The following C3orf62 variants were observed in gnomAD, a reference collection of about 807,000 sequenced individuals.
C3orf62 encodes uncharacterized protein C3orf62.
In C3orf62, 16 loss-of-function variants were observed where a neutral mutation model predicts 21.7. That is an observed-to-expected ratio of 0.74 (90% CI 0.50 to 1.12). The LOEUF (loss-of-function observed/expected upper bound fraction) is 1.12, where lower values mean the gene tolerates loss of function less well. Ranked by LOEUF, C3orf62 falls within the 50% of genes most tolerant of loss-of-function variation. The pLI is 0.00. For synonymous variants in C3orf62, 114 were observed against 117.0 expected, an observed-to-expected ratio of 0.97 and a Z score of 0.17; for missense variants, 310 against 318.8, an observed-to-expected ratio of 0.97 and a Z score of 0.21.
intron 1 of C3orf62, among the ~76,000 whole-genome samples, chr3:49,274,901 C>T (rs1001560603): frequency 6.6e-6 from 1 of 152,006 alleles, no homozygotes; most frequent in Non-Finnish European, 1.5e-5. Context: ...CTCATCGCAA[C>T]CTCCTTCTCC....
At chr3:49,271,966 G>A (rs551490381) in intron 2 of C3orf62, among the ~76,000 whole-genome samples, 6 of 149,608 alleles carry the variant, frequency 4.0e-5, no homozygotes, top group African/African-American at 1.2e-4. Flanking sequence ...GTTGGTGAAA[G>A]CCAAGGAAGA....
At chr3:49,272,534 C>CTTTTTTTTTTT (rs746086446) in intron 2 of C3orf62, among the ~76,000 whole-genome samples, 5 of 51,810 alleles carry the variant, frequency 9.7e-5, no homozygotes, top group African/African-American at 4.3e-4. Context: ...TTCTCCTAAT[C>CTTTTTTTTTTT]TTTTTTTTTT....
At chr3:49,275,555 G>A (rs1461230111) in intron 1 of C3orf62, among the ~76,000 whole-genome samples, 2 of 70,302 alleles carry the variant, frequency 2.8e-5, no homozygotes, top group East Asian at 5.6e-4. Context: ...TTTTGATACG[G>A]AGTCTCGCTC....
chr3:49,273,255 C>G (rs1301613794), intron 2 of C3orf62, among the ~76,000 whole-genome samples: 1 of 152,172 alleles, frequency 6.6e-6, no homozygotes, highest in East Asian at 1.9e-4. Flanking sequence ...AACCCTAATA[C>G]AAATATTAGC....
At position 49,276,874 on chromosome 3, in the gene C3orf62, GGAAA is replaced by G. The variant is rs751392594; in HGVS notation, c.-6_-3del. ...CGACCATGTCTTTATGTAATGCATT[GGAAA>G]TGCACAGGACAACACAATAATGTTA... On this transcript the variant is annotated 5_prime_UTR_variant, in exon 1 of 3. Transcript: ENST00000343010. The G allele has an allele frequency of 2.1e-4, 342 of 1,608,464 alleles. No individual in the cohort carries two copies. The highest frequency in any genetic ancestry group is 5.0e-4 in the Middle Eastern group (3 of 6,050).
At position 49,276,766 on chromosome 3, in the gene C3orf62, C is replaced by T. The variant is rs1469365325; in HGVS notation, c.107G>A (p.Ser36Asn). ...AAIDRAFEGV[S>N]YSQECTGQQR... Reference sequence around the variant, plus strand: ...CTGGCCTGTGCACTCCTGGGAATAACTAACTCCTTCAAAGGCCCGGTCAAT... The same window carrying T: ...CTGGCCTGTGCACTCCTGGGAATAATTAACTCCTTCAAAGGCCCGGTCAAT... The change falls in exon 1 of 3, where the codon AGT becomes AAT. Residue 36 changes from serine (S) to asparagine (N), a missense_variant. Coordinates refer to ENST00000343010, the MANE Select transcript of C3orf62 (RefSeq NM_198562.3). 2.5e-6 allele frequency: 4 copies of T among 1,614,040 alleles called. No homozygotes were observed. Among genetic ancestry groups the T allele is most frequent in the East Asian group, 4.5e-5 (2 of 44,898 alleles).
chr3:49,271,937 A>C (rs930399330), intron 2 of C3orf62, among the ~76,000 whole-genome samples: 41 of 150,710 alleles, frequency 2.7e-4, no homozygotes, highest in Admixed American at 4.6e-4. Flanking sequence ...AAAAAAAAAA[A>C]CAAAAAAACC....
chr3:49,272,839 C>T (rs1162836885), intron 2 of C3orf62, among the ~76,000 whole-genome samples: 1 of 152,008 alleles, frequency 6.6e-6, no homozygotes, highest in Non-Finnish European at 1.5e-5. Context: ...AGGTGTGAGC[C>T]ACTGTGCCCA....
chr3:49,272,534 CTTTTTTTTTTT>C (rs746086446), intron 2 of C3orf62, among the ~76,000 whole-genome samples: 11 of 51,810 alleles, frequency 2.1e-4, no homozygotes, highest in Admixed American at 3.1e-4. Flanking sequence ...TTCTCCTAAT[CTTTTTTTTTTT>C]TTTTTTTTTT....
chr3:49,277,227 G>A lies in C3orf62; in HGVS notation c.-355C>T. On this transcript the variant is annotated 5_prime_UTR_variant, in exon 1 of 3. Transcript: ENST00000343010. Reference sequence around the variant, plus strand: ...CCGACCCATCCAACGGTCATCGCATGCGCGTGCCCCGCGCAGGCCCCAAAC... The same window carrying A: ...CCGACCCATCCAACGGTCATCGCATACGCGTGCCCCGCGCAGGCCCCAAAC... 7.6e-7 allele frequency: 1 copy of A among 1,320,288 alleles called. No individual in the cohort carries two copies. The highest frequency in any genetic ancestry group is 9.9e-7 in the Non-Finnish European group (1 of 1,009,270). The allele number at this position is 1,320,288 out of a possible 1,614,324, so 81.8% of individuals were successfully genotyped here.
rs760975508 is a variant in C3orf62, at chr3:49,276,555, A to C, written c.318T>G (p.Ala106=). 1 of 1,614,192 alleles carries C rather than the reference A, an allele frequency of 6.2e-7. No homozygotes were observed. The highest frequency in any genetic ancestry group is 2.2e-5 in the East Asian group (1 of 44,882). Residue 106 remains alanine, a synonymous_variant, in exon 1 of 3, where the codon GCT becomes GCG. Transcript: ENST00000343010. ...NHAPVNAKPH[A]LCPERKPLTS... is the part of the protein sequence containing the mutation. ...TTAGAGGTTTTCTCTCGGGGCACAG[A>C]GCATGTGGTTTTGCATTTACCGGGG... is the stretch of plus-strand genomic sequence containing the variant.
At chr3:49,271,612 G>A (rs147201397) in intron 2 of C3orf62, among the ~76,000 whole-genome samples, 167 bp from the exon 3 acceptor site, 1 of 152,308 alleles carries the variant, frequency 6.6e-6, no homozygotes, top group African/African-American at 2.4e-5. Context: ...ATTAAGGTGG[G>A]TTTGGTACCT....
rs146627165 is a variant in C3orf62, at chr3:49,273,943, C to T, written c.538+106G>A. ...TGCTGGGATTACAGGCATGAACCAC[C>T]GTGCCTGGCCGAGAGCATTTCTTAT... On this transcript the variant is annotated intron_variant, in intron 2 of 2. Coordinates refer to ENST00000343010, the MANE Select transcript of C3orf62 (RefSeq NM_198562.3). 1.9e-3 allele frequency: 1,497 copies of T among 803,284 alleles called. 13 individuals carry two copies. In the African/African-American group the frequency reaches 0.02, roughly 11 times the overall value. 49.8% of individuals were successfully genotyped at this position (803,284 alleles called of 1,614,324 possible). A position where few individuals can be genotyped will look rare whatever the true frequency, so the allele number is the denominator to read the frequency against.
At chr3:49,274,265 A>G (rs1237354154) in intron 1 of C3orf62, 125 bp from the exon 2 acceptor site, 15 of 691,694 alleles carry the variant, frequency 2.2e-5, no homozygotes, top group Non-Finnish European at 3.2e-5. Flanking sequence ...CTTGTCATTT[A>G]TGCTTTGATT....
rs1008364578 is a variant in C3orf62 at position 49,270,958 on chromosome 3, T to TAA, written c.*220_*221dup. The TAA allele has an allele frequency of 1.1e-5, 5 of 457,596 alleles. No homozygotes were observed. The highest frequency in any genetic ancestry group is 3.7e-5 in the East Asian group (1 of 26,882). The allele number at this position is 457,596 out of a possible 1,614,324, so 28.3% of individuals were successfully genotyped here. ...ACACATTCAAGATGTCAAGGAAAGTTAAAAAAAAAAATCAGTAATAGGAAA... is the reference window on the plus strand; with the variant it reads ...ACACATTCAAGATGTCAAGGAAAGTTAAAAAAAAAAAAATCAGTAATAGGAAA... On this transcript the variant is annotated 3_prime_UTR_variant, in exon 3 of 3. Coordinates refer to ENST00000343010, the MANE Select transcript of C3orf62 (RefSeq NM_198562.3).
At chr3:49,273,923 G>A (rs2046931880) in intron 2 of C3orf62, 126 bp downstream of exon 2, 1 of 691,444 alleles carries the variant, frequency 1.4e-6, no homozygotes, top group Non-Finnish European at 2.6e-6. Context: ...CAAAGTGCTG[G>A]GATTACAGGC....
chr3:49,274,357 TATTAA>T (rs563563685), intron 1 of C3orf62: 441 of 501,890 alleles, frequency 8.8e-4, no homozygotes, highest in Non-Finnish European at 1.2e-3. Context: ...TCGCAGACTG[TATTAA>T]ATTTTTTTCT....
intron 1 of C3orf62, 157 bp from the exon 2 acceptor site, chr3:49,274,297 A>G (rs1216133366): frequency 3.3e-6 from 2 of 601,790 alleles, no homozygotes; most frequent in Non-Finnish European, 3.0e-6. Context: ...GGAAACTGCT[A>G]CATCAGTGGA....
chr3:49,276,866 A>G lies in C3orf62; in HGVS notation c.7T>C (p.Tyr3His), dbSNP rs2046965838. ...CCTAAAAGCGACCATGTCTTTATGT[A>G]ATGCATTGGAAATGCACAGGACAAC... The part of the protein sequence containing the change: MH[Y>H]IKTWSLLGEM... The change falls in exon 1 of 3, where the codon TAC becomes CAC. Residue 3 changes from tyrosine (Y) to histidine (H), a missense_variant. Tyr to His is a moderately conservative substitution (Grantham distance 83). Coordinates refer to ENST00000343010, the MANE Select transcript of C3orf62 (RefSeq NM_198562.3). 6.2e-7 allele frequency: 1 copy of G among 1,610,380 alleles called. No individual in the cohort carries two copies. Among genetic ancestry groups the G allele is most frequent in the Non-Finnish European group, 8.5e-7 (1 of 1,178,616 alleles).
Sources: gnomAD v4.1 joint callset for allele counts (sites outside exome capture counted in the v4.1 genomes callset) on GRCh38, gnomAD v4.1.1 for gene constraint, MANE v1.5 for transcripts, NCBI Gene and HGNC (gene_info 2026-07-23, HGNC 2026-07-21) for gene names.